NFIC: variants seen among roughly 807,000 people sequenced by gnomAD.
NFIC encodes nuclear factor I C.
Under a neutral mutation model 54.4 loss-of-function variants are expected in NFIC, and 12 were observed. The ratio of observed to expected loss-of-function variants is 0.22; its 90% confidence interval spans 0.14 to 0.36. NFIC has a LOEUF of 0.36. Among genes scored for constraint, NFIC ranks in the 10% least tolerant of loss-of-function variants. The pLI is 1.00. For synonymous variants in NFIC, 322 were observed against 319.2 expected (o/e 1.01, Z -0.09); for missense variants, 575 against 718.2 (o/e 0.80, Z 2.28).
chr19:3,396,408 C>A (rs1454308665), intron 2 of NFIC, among the ~76,000 whole-genome samples: 3 of 148,452 alleles, frequency 2.0e-5, no homozygotes, highest in Non-Finnish European at 4.4e-5. Flanking sequence ...GGAGGCGGAG[C>A]TTGCAGTGAG....
At chr19:3,388,323 C>T (rs1054365015) in intron 2 of NFIC, among the ~76,000 whole-genome samples, 2 of 152,120 alleles carry the variant, frequency 1.3e-5, no homozygotes, top group Admixed American at 6.6e-5. Flanking sequence ...ACACACATGG[C>T]GTGCCCTCTG....
chr19:3,396,226 C>T (rs920747795), intron 2 of NFIC, among the ~76,000 whole-genome samples: 3 of 152,084 alleles, frequency 2.0e-5, no homozygotes, highest in Non-Finnish European at 2.9e-5. Context: ...AATCCCAGCA[C>T]TTTGGGAGGC....
intron 10 of NFIC, among the ~76,000 whole-genome samples, chr19:3,457,501 G>A (rs544014004): frequency 6.6e-6 from 1 of 152,250 alleles, no homozygotes; most frequent in South Asian, 2.1e-4. Context: ...GCGTCTTCGG[G>A]TTATGGGTAA....
At chr19:3,449,505 A>G (rs2082424281) in intron 7 of NFIC, among the ~76,000 whole-genome samples, 1 of 152,102 alleles carries the variant, frequency 6.6e-6, no homozygotes. Context: ...CACACCTGTA[A>G]TCCCGGCACT....
intron 2 of NFIC, among the ~76,000 whole-genome samples, chr19:3,403,765 A>G (rs570138380): frequency 1.4e-4 from 22 of 152,022 alleles, no homozygotes; most frequent in Non-Finnish European, 2.9e-4. Context: ...CCAGTTGGAG[A>G]CGCGCCCCAA....
chr19:3,394,794 G>C (rs1478136397), intron 2 of NFIC, among the ~76,000 whole-genome samples: 3 of 151,934 alleles, frequency 2.0e-5, no homozygotes, highest in Non-Finnish European at 2.9e-5. Context: ...GCCCCTACGA[G>C]CATGAACCCC....
intron 2 of NFIC, among the ~76,000 whole-genome samples, chr19:3,421,920 A>G (rs949860499): frequency 1.3e-5 from 2 of 151,958 alleles, no homozygotes; most frequent in African/African-American, 4.8e-5. Flanking sequence ...GCCTGCTACC[A>G]TGCCTGGCTA....
chr19:3,423,977 G>A (rs537132660), intron 2 of NFIC, among the ~76,000 whole-genome samples: 15 of 152,238 alleles, frequency 9.9e-5, no homozygotes, highest in Non-Finnish European at 1.8e-4. Flanking sequence ...GGGCTAAGGC[G>A]GGGCTGAATG....
At chr19:3,373,325 T>G (rs2081053834) in intron 1 of NFIC, among the ~76,000 whole-genome samples, 1 of 152,196 alleles carries the variant, frequency 6.6e-6, no homozygotes, top group Non-Finnish European at 1.5e-5. Flanking sequence ...CTCACTGCCT[T>G]GGCAGAGAGT....
rs1395764650 is a variant in NFIC at position 3,375,367 on chromosome 19, C to A, written c.31-6345C>A. Reference sequence around the variant, plus strand: ...TCCTCTCTGCCGCGTCCCACTGTGCCCCCCACCACCCCCACTGCCCGGCTT... The same window carrying A: ...TCCTCTCTGCCGCGTCCCACTGTGCACCCCACCACCCCCACTGCCCGGCTT... On this transcript the variant is annotated intron_variant, in intron 1 of 10. Coordinates refer to ENST00000443272, the MANE Select transcript of NFIC (RefSeq NM_001245002.2). This position sits in a 1 kb window ranked among gnomAD's most constrained non-coding sequence, Gnocchi z 4.6. Among the ~76,000 whole-genome samples, 2 of 152,308 alleles carry A rather than the reference C, an allele frequency of 1.3e-5. No individual in the cohort carries two copies. Among genetic ancestry groups the A allele is most frequent in the East Asian group, 3.9e-4 (2 of 5,170 alleles).
At chr19:3,455,317 A>G (rs1433342385) in intron 9 of NFIC, among the ~76,000 whole-genome samples, 1 of 152,018 alleles carries the variant, frequency 6.6e-6, no homozygotes, top group Non-Finnish European at 1.5e-5. Context: ...CGATGGGATT[A>G]TGCCCAGAGC....
chr19:3,382,655 T>A (rs2081231982), intron 2 of NFIC, among the ~76,000 whole-genome samples: 1 of 135,688 alleles, frequency 7.4e-6, no homozygotes. Flanking sequence ...AGATGTGATG[T>A]GGTGGTCCAA....
At chr19:3,372,445 G>A (rs139071109) in intron 1 of NFIC, among the ~76,000 whole-genome samples, 2,157 of 152,336 alleles carry the variant, frequency 0.014, 21 homozygotes, top group Middle Eastern at 0.034. Flanking sequence ...AGAGGCAGAA[G>A]ATGGGAGCAT....
chr19:3,380,822 G>A (rs541120675), intron 1 of NFIC, among the ~76,000 whole-genome samples: 1 of 151,768 alleles, frequency 6.6e-6, no homozygotes, highest in Non-Finnish European at 1.5e-5. Context: ...GATTTTGTTT[G>A]TTCATTTGTT....
intron 1 of NFIC, among the ~76,000 whole-genome samples, chr19:3,376,885 T>C (rs994579875): frequency 2.0e-5 from 3 of 151,740 alleles, no homozygotes; most frequent in African/African-American, 7.3e-5. Flanking sequence ...CCTGTCACCA[T>C]ACCTGGCTAA....
chr19:3,420,556 A>AAAATAAATAAATAAATAAATAAATAAAT (rs374927099), intron 2 of NFIC, among the ~76,000 whole-genome samples: 2 of 142,680 alleles, frequency 1.4e-5, no homozygotes, highest in African/African-American at 5.2e-5. Flanking sequence ...CCATCTCAAA[A>AAAATAAATAAATAAATAAATAAATAAAT]AAATAAATAA....
intron 9 of NFIC, chr19:3,454,150 C>T (rs896817351): frequency 7.7e-7 from 1 of 1,292,892 alleles, no homozygotes; most frequent in African/African-American, 1.5e-5. Flanking sequence ...CAGGGTCTGT[C>T]CCCTTCGCCG....
rs56816847 is a variant in NFIC, at chr19:3,370,688, CTCTG to C, written c.30+4030_30+4033del. On this transcript the variant is annotated intron_variant, in intron 1 of 10. Transcript: ENST00000443272. This position sits in a 1 kb window ranked among gnomAD's most constrained non-coding sequence, Gnocchi z 5.2. ...CTCCCTCTCTGTTCCTCTTCTTTCT[CTCTG>C]TCTGTCTCTTTCTTTCTCCCTCCCT... 2.1e-5 allele frequency among the ~76,000 whole-genome samples: 1 copy of C among 48,584 alleles called. No individual in the cohort carries two copies. Among genetic ancestry groups the C allele is most frequent in the Non-Finnish European group, 4.8e-5 (1 of 20,856 alleles). 31.9% of individuals were successfully genotyped at this position (48,584 alleles called of 152,430 possible). A position where few individuals can be genotyped will look rare whatever the true frequency, so the allele number is the denominator to read the frequency against.
chr19:3,370,796 G>A lies in NFIC; in HGVS notation c.30+4130G>A, dbSNP rs1187136937. Reference sequence around the variant, plus strand: ...CCTCCCTCCCTGTCTCACACCAAATGGATGGGAAATGCTGCCTGGGCCTCC... The same window carrying A: ...CCTCCCTCCCTGTCTCACACCAAATAGATGGGAAATGCTGCCTGGGCCTCC... On this transcript the variant is annotated intron_variant, in intron 1 of 10. Coordinates refer to ENST00000443272, the MANE Select transcript of NFIC (RefSeq NM_001245002.2). The surrounding 1 kb of genome is among the most constrained non-coding windows in gnomAD (Gnocchi z 5.2). Among the ~76,000 whole-genome samples the A allele has an allele frequency of 2.0e-5, 3 of 152,050 alleles. No homozygotes were observed. Among genetic ancestry groups the A allele is most frequent in the East Asian group, 1.9e-4 (1 of 5,156 alleles).
Sources: gnomAD v4.1 joint callset for allele counts (sites outside exome capture counted in the v4.1 genomes callset) on GRCh38, gnomAD v4.1.1 for gene constraint, Gnocchi (gnomAD v3.1) non-coding constraint, MANE v1.5 for transcripts, NCBI Gene and HGNC (gene_info 2026-07-23, HGNC 2026-07-21) for gene names.